Variants in PIK3AP1 observed in about 807,000 individuals in gnomAD.
PIK3AP1 encodes the protein phosphoinositide-3-kinase adaptor protein 1.
In PIK3AP1, 21 loss-of-function variants were observed where a neutral mutation model predicts 88.1. The observed-to-expected ratio is 0.24, with a 90% CI of 0.17 to 0.34. The LOEUF (loss-of-function observed/expected upper bound fraction) is 0.34. Ranked by LOEUF, PIK3AP1 falls within the 10% of genes least tolerant of loss-of-function variation. The pLI is 1.00. For missense variants in PIK3AP1, 828 were observed against 1,035.7 expected (o/e 0.80, Z 2.75); for synonymous variants, 398 against 400.0 (o/e 1.00, Z 0.06).
intron 2 of PIK3AP1, among the ~76,000 whole-genome samples, chr10:96,668,748 G>A (rs1843800656): frequency 6.6e-6 from 1 of 152,350 alleles, no homozygotes; most frequent in South Asian, 2.1e-4. Context: ...TTAGAAGGAT[G>A]CAGATGAGCA....
At chr10:96,671,101 AT>A in intron 2 of PIK3AP1, among the ~76,000 whole-genome samples, 1 of 152,316 alleles carries the variant, frequency 6.6e-6, no homozygotes, top group Middle Eastern at 3.4e-3. Context: ...TACACTGGCT[AT>A]TTCCTCAGAA....
chr10:96,681,428 C>G (rs150058178), intron 2 of PIK3AP1, among the ~76,000 whole-genome samples: 1 of 152,198 alleles, frequency 6.6e-6, no homozygotes, highest in African/African-American at 2.4e-5. Context: ...TAACTGGCCA[C>G]GAAACCTAAA....
chr10:96,606,344 C>T (rs1213292081), intron 14 of PIK3AP1, among the ~76,000 whole-genome samples: 1 of 152,252 alleles, frequency 6.6e-6, no homozygotes, highest in African/African-American at 2.4e-5. Context: ...CATGCCATTC[C>T]TCATTGTTCA....
At chr10:96,597,250 CTTTT>C (rs1436451533) in intron 16 of PIK3AP1, among the ~76,000 whole-genome samples, 3 of 150,130 alleles carry the variant, frequency 2.0e-5, no homozygotes, top group Non-Finnish European at 4.5e-5. Context: ...TCTCTGCCTT[CTTTT>C]TTTCTTTCTT....
chr10:96,697,883 A>G (rs1844242506), intron 2 of PIK3AP1, among the ~76,000 whole-genome samples: 1 of 152,376 alleles, frequency 6.6e-6, no homozygotes, highest in South Asian at 2.1e-4. Flanking sequence ...TAATGCATAT[A>G]CCAACATAAA....
At chr10:96,680,665 T>A (rs1399399095) in intron 2 of PIK3AP1, among the ~76,000 whole-genome samples, 1 of 152,222 alleles carries the variant, frequency 6.6e-6, no homozygotes, top group Non-Finnish European at 1.5e-5. Flanking sequence ...CTGCATAATA[T>A]TCCACAGTGT....
intron 2 of PIK3AP1, among the ~76,000 whole-genome samples, chr10:96,669,223 A>G (rs920318153): frequency 3.3e-5 from 5 of 152,214 alleles, no homozygotes; most frequent in African/African-American, 1.2e-4. Flanking sequence ...TTGTCCACTC[A>G]GGATGAAATT....
At chr10:96,628,889 C>CATATAG (rs1554955371) in intron 8 of PIK3AP1, among the ~76,000 whole-genome samples, 5 of 60,852 alleles carry the variant, frequency 8.2e-5, no homozygotes, top group Non-Finnish European at 1.6e-4. Flanking sequence ...TATATATATA[C>CATATAG]ATATATATAT....
intron 2 of PIK3AP1, among the ~76,000 whole-genome samples, chr10:96,661,432 T>C (rs569034126): frequency 6.6e-6 from 1 of 152,218 alleles, no homozygotes; most frequent in African/African-American, 2.4e-5. Context: ...TAATATAAAC[T>C]CTGGCCTTCG....
rs538038480 is a variant in PIK3AP1, at chr10:96,661,618, T to C, written c.431-4684A>G. Reference sequence around the variant, plus strand: ...ATGAACCTAAAACTGCTCTAAAATATAAAATCTACTCAAAAATATTAGCCA... The same window carrying C: ...ATGAACCTAAAACTGCTCTAAAATACAAAATCTACTCAAAAATATTAGCCA... On this transcript the variant is annotated intron_variant, in intron 2 of 16. Coordinates refer to ENST00000339364, the MANE Select transcript of PIK3AP1 (RefSeq NM_152309.3). 2.0e-5 allele frequency among the ~76,000 whole-genome samples: 3 copies of C among 152,260 alleles called. No homozygotes were observed. The South Asian group carries it at 6.2e-4, about 32-fold the overall frequency.
At chr10:96,717,079 GAA>G (rs1238053607) in intron 1 of PIK3AP1, among the ~76,000 whole-genome samples, 2 of 152,026 alleles carry the variant, frequency 1.3e-5, no homozygotes, top group African/African-American at 4.8e-5. Flanking sequence ...CTGGCATGGT[GAA>G]ACCCTGTCTC....
intron 13 of PIK3AP1, among the ~76,000 whole-genome samples, chr10:96,614,673 C>T (rs1305816688): frequency 1.3e-5 from 2 of 152,148 alleles, no homozygotes; most frequent in East Asian, 3.8e-4. Context: ...AGATAACTGA[C>T]TCATTAGCTA....
intron 12 of PIK3AP1, chr10:96,618,641 T>G (rs1331077500): frequency 6.6e-6 from 1 of 152,390 alleles, no homozygotes; most frequent in African/African-American, 2.4e-5. Flanking sequence ...ATTATGTATT[T>G]ACTACGTACC....
At position 96,656,817 on chromosome 10, in the gene PIK3AP1, G is replaced by A. The variant is rs372419076; in HGVS notation, c.548C>T (p.Pro183Leu). 4 of 1,614,080 alleles carry A rather than the reference G, an allele frequency of 2.5e-6. No individual in the cohort carries two copies. Among genetic ancestry groups the A allele is most frequent in the Non-Finnish European group, 3.4e-6 (4 of 1,180,022 alleles). The part of the protein sequence containing the change: ...TSPGNLMVVQ[P>L]DRIRCGAETT... ...GCCTACCCCACAGCGAATGCGGTCC[G>A]GCTGCACCACCATCAGGTTCCCAGG... Residue 183 changes from proline to leucine, a missense_variant, in exon 3 of 17, where the codon CCG becomes CTG. Pro to Leu is a moderately conservative substitution (Grantham distance 98, BLOSUM62 -3). Around this residue, in one of 3 missense-constraint regions of PIK3AP1, gnomAD observed 610 missense variants for 760.1 expected, o/e 0.80. Transcript: ENST00000339364.
intron 11 of PIK3AP1, among the ~76,000 whole-genome samples, chr10:96,623,162 G>C (rs1028270023): frequency 1.3e-5 from 2 of 152,032 alleles, no homozygotes; most frequent in African/African-American, 4.8e-5. Flanking sequence ...CTCAGACAGT[G>C]CCACACTAAA....
At chr10:96,680,404 C>T (rs922601799) in intron 2 of PIK3AP1, among the ~76,000 whole-genome samples, 1 of 151,944 alleles carries the variant, frequency 6.6e-6, no homozygotes, top group Non-Finnish European at 1.5e-5. Context: ...ATTTTGTCAT[C>T]CAGGTACTAA....
At chr10:96,623,698 G>A (rs1843118396) in intron 10 of PIK3AP1, among the ~76,000 whole-genome samples, 161 bp from the exon 11 acceptor site, 1 of 152,150 alleles carries the variant, frequency 6.6e-6, no homozygotes, top group Non-Finnish European at 1.5e-5. Context: ...GTCAAGTAAT[G>A]GCAGACTAAA....
chr10:96,680,558 T>C (rs889823839), intron 2 of PIK3AP1, among the ~76,000 whole-genome samples: 3 of 152,180 alleles, frequency 2.0e-5, no homozygotes, highest in African/African-American at 7.2e-5. Flanking sequence ...AAACATGTAG[T>C]ATTTGGTTTT....
chr10:96,597,774 G>A (rs113179756), intron 16 of PIK3AP1, among the ~76,000 whole-genome samples: 3,603 of 152,114 alleles, frequency 0.024, 139 homozygotes, highest in African/African-American at 0.08. Flanking sequence ...AGATAATGAC[G>A]ATTAAAGATC....
Sources: allele counts gnomAD v4.1 joint callset (sites outside exome capture counted in the v4.1 genomes callset), GRCh38; gene constraint gnomAD v4.1.1; regional missense constraint gnomAD v4.1.1; transcripts MANE v1.5; gene names NCBI Gene and HGNC (gene_info 2026-07-23, HGNC 2026-07-21).